Variants in ITPR1 observed in about 807,000 individuals in gnomAD.
ITPR1 encodes inositol 1,4,5-trisphosphate receptor type 1, also known as inositol 1,4,5-trisphosphate-gated calcium channel ITPR1.
In ITPR1, 96 loss-of-function variants were observed where a neutral mutation model predicts 318.4. The observed-to-expected ratio is 0.30, with a 90% CI of 0.26 to 0.36. ITPR1 has a LOEUF of 0.36. Ranked by LOEUF, ITPR1 falls within the 10% of genes least tolerant of loss-of-function variation. The probability of loss-of-function intolerance (pLI) is 1.00; values close to 1 mark genes in which losing one functional copy is unlikely to be tolerated. For missense variants in ITPR1, 2,440 were observed against 3,460.2 expected (o/e 0.71, Z 7.40); for synonymous variants, 1,312 against 1,289.9 (o/e 1.02, Z -0.37).
At chr3:4,703,623 G>A (rs2094699579) in intron 36 of ITPR1, among the ~76,000 whole-genome samples, 1 of 152,168 alleles carries the variant, frequency 6.6e-6, no homozygotes, top group Admixed American at 6.5e-5. Flanking sequence ...GATCCTTGCA[G>A]ACAGTAACAA....
Position 4,622,109 on chromosome 3 carries a change from C to CTTT in ITPR1, c.164-5633_164-5631dup, listed in dbSNP as rs894926425. 2.3e-3 allele frequency among the ~76,000 whole-genome samples: 240 copies of CTTT among 105,810 alleles called. 3 individuals are homozygous for CTTT. Among genetic ancestry groups the CTTT allele is most frequent in the East Asian group, 8.1e-3 (25 of 3,088 alleles). The allele number at this position is 105,810 out of a possible 152,430, so 69.4% of individuals were successfully genotyped here. On this transcript the variant is annotated intron_variant, in intron 4 of 61. Transcript: ENST00000649015. ...CAGTCTTGTACCAGCACATAGTAGACTTTTTTTTTTTTTTTTTTTTTTTGA... is the reference window on the plus strand; with the variant it reads ...CAGTCTTGTACCAGCACATAGTAGACTTTTTTTTTTTTTTTTTTTTTTTTTTGA...
In ITPR1 at chr3:4,846,283, G is replaced by C; in HGVS notation, c.*58G>C. ...TATAATTATTATTAGTGTGGGTATG[G>C]CTAATGAGTTCTGATTCACCCACGA... On this transcript the variant is annotated 3_prime_UTR_variant, in exon 62 of 62. Coordinates refer to ENST00000649015, the MANE Select transcript of ITPR1 (RefSeq NM_001378452.1). 1 of 1,171,300 alleles carries C rather than the reference G, an allele frequency of 8.5e-7. No individual in the cohort carries two copies. Among genetic ancestry groups the C allele is most frequent in the African/African-American group, 1.5e-5 (1 of 65,428 alleles). 72.6% of individuals were successfully genotyped at this position (1,171,300 alleles called of 1,614,324 possible).
At chr3:4,709,253 A>C (rs1044417784) in intron 37 of ITPR1, among the ~76,000 whole-genome samples, 1 of 152,202 alleles carries the variant, frequency 6.6e-6, no homozygotes, top group African/African-American at 2.4e-5. Context: ...ACCGTCTTAC[A>C]GTCTTGTTGG....
chr3:4,683,961 A>G lies in ITPR1; in HGVS notation c.3498+163A>G, dbSNP rs566596957. Among the ~76,000 whole-genome samples, 5 of 152,336 alleles carry G rather than the reference A, an allele frequency of 3.3e-5. No individual in the cohort carries two copies. The South Asian group carries it at 8.3e-4, about 25-fold the overall frequency. On this transcript the variant is annotated intron_variant, in intron 28 of 61. Transcript: ENST00000649015. ...AAGCTGTTTGCCTAGGAAATAAGCT[A>G]CGAATCAAAGTTTAGCTATGTCTCC...
At chr3:4,628,075 G>T (rs1553654518) in intron 5 of ITPR1, among the ~76,000 whole-genome samples, 197 bp downstream of exon 5, 2 of 152,156 alleles carry the variant, frequency 1.3e-5, no homozygotes, top group Non-Finnish European at 2.9e-5. Context: ...TGTCTGGAGA[G>T]TTCTTCTTTT....
rs149252216 is a variant in ITPR1 at position 4,641,835 on chromosome 3, C to A, written c.367-258C>A. 4.3e-4 allele frequency among the ~76,000 whole-genome samples: 66 copies of A among 152,348 alleles called. No individual in the cohort carries two copies. In the South Asian group the frequency reaches 4.8e-3, roughly 11 times the overall value. On this transcript the variant is annotated intron_variant, in intron 6 of 61. Coordinates refer to ENST00000649015, the MANE Select transcript of ITPR1 (RefSeq NM_001378452.1). ...GTTATGATGGCACAGTTGACCTGAG[C>A]AACATCCATCTTGTCCAAGGCTTTG...
intron 45 of ITPR1, 49 bp downstream of exon 45, chr3:4,766,759 G>A: frequency 7.0e-7 from 1 of 1,418,916 alleles, no homozygotes; most frequent in Non-Finnish European, 9.6e-7. Context: ...CACCAGAAGA[G>A]TCCTTGTTAT....
In ITPR1 at chr3:4,814,576, G is replaced by A. The variant is rs747138051; in HGVS notation, c.7701+14G>A. 30 of 1,572,084 alleles carry A rather than the reference G, an allele frequency of 1.9e-5. No individual in the cohort carries two copies. Among genetic ancestry groups the A allele is most frequent in the African/African-American group, 1.9e-4 (14 of 73,850 alleles). ...CCGTCCAAAGAGGTAAATTAATCCCGAGGGGAAGGAAGGGCAAAGGGGGCG... is the reference window on the plus strand; with the variant it reads ...CCGTCCAAAGAGGTAAATTAATCCCAAGGGGAAGGAAGGGCAAAGGGGGCG... On this transcript the variant is annotated intron_variant, in intron 58 of 61. Coordinates refer to ENST00000649015, the MANE Select transcript of ITPR1 (RefSeq NM_001378452.1).
intron 10 of ITPR1, among the ~76,000 whole-genome samples, chr3:4,647,075 C>T (rs2093474930): frequency 6.6e-6 from 1 of 152,080 alleles, no homozygotes; most frequent in Admixed American, 6.6e-5. Context: ...TCTTTCTAGG[C>T]AATGTTTCCT....
intron 33 of ITPR1, 81 bp from the exon 34 acceptor site, chr3:4,697,066 C>A: frequency 7.6e-7 from 1 of 1,315,088 alleles, no homozygotes; most frequent in South Asian, 1.3e-5. Flanking sequence ...TTTCATCGGT[C>A]CTTGCTGTGA....
intron 4 of ITPR1, among the ~76,000 whole-genome samples, chr3:4,608,698 T>C (rs1388942161): frequency 6.6e-6 from 1 of 151,952 alleles, no homozygotes; most frequent in Admixed American, 6.5e-5. Context: ...GAATTACAGA[T>C]GACACCCAAA....
At chr3:4,593,501 T>C (rs2090553591) in intron 4 of ITPR1, among the ~76,000 whole-genome samples, 1 of 152,218 alleles carries the variant, frequency 6.6e-6, no homozygotes, top group African/African-American at 2.4e-5. Flanking sequence ...GTCTAAGGGC[T>C]AAAATTACAA....
At chr3:4,515,226 G>A (rs1366744904) in intron 2 of ITPR1, among the ~76,000 whole-genome samples, 4 of 152,206 alleles carry the variant, frequency 2.6e-5, no homozygotes, top group Non-Finnish European at 5.9e-5. Flanking sequence ...TTCCTGCTAA[G>A]GTGGTAGGTT....
rs149627982 is a variant in ITPR1, at chr3:4,659,118, A to G, written c.1151+840A>G. Among the ~76,000 whole-genome samples, 677 of 152,304 alleles carry G rather than the reference A, an allele frequency of 4.4e-3. 5 individuals carry two copies. The highest frequency in any genetic ancestry group is 0.017 in the Middle Eastern group (5 of 294). ...TTATTTGGGCAATTCTGACTCTCCAATACCATGTTGGTTAATGGAAATGTC... is the reference window on the plus strand; with the variant it reads ...TTATTTGGGCAATTCTGACTCTCCAGTACCATGTTGGTTAATGGAAATGTC... On this transcript the variant is annotated intron_variant, in intron 13 of 61. Coordinates refer to ENST00000649015, the MANE Select transcript of ITPR1 (RefSeq NM_001378452.1).
At chr3:4,736,716 C>T (rs2043300912) in intron 44 of ITPR1, among the ~76,000 whole-genome samples, 1 of 152,160 alleles carries the variant, frequency 6.6e-6, no homozygotes, top group Non-Finnish European at 1.5e-5. Context: ...TCCTTCTCAT[C>T]AATGGAATGT....
At chr3:4,754,639 C>G (rs2044815506) in intron 44 of ITPR1, among the ~76,000 whole-genome samples, 1 of 152,190 alleles carries the variant, frequency 6.6e-6, no homozygotes, top group African/African-American at 2.4e-5. Context: ...TTAAAGCCCT[C>G]TGATTCCTTG....
intron 48 of ITPR1, among the ~76,000 whole-genome samples, chr3:4,778,379 G>A (rs2046612975): frequency 6.6e-6 from 1 of 152,196 alleles, no homozygotes. Flanking sequence ...TATCATGAAA[G>A]AGCCTAGAAC....
intron 52 of ITPR1, among the ~76,000 whole-genome samples, chr3:4,793,349 A>G (rs7645608): frequency 0.89 from 135,848 of 152,240 alleles, 61,102 homozygotes; most frequent in East Asian, 0.98. Flanking sequence ...GAGCTTTGCC[A>G]GATCCTTTTC....
chr3:4,616,401 G>A (rs551429739), intron 4 of ITPR1, among the ~76,000 whole-genome samples: 27 of 152,244 alleles, frequency 1.8e-4, no homozygotes, highest in African/African-American at 6.0e-4. Flanking sequence ...CCCCCTTGGT[G>A]GGGAATTAAT....
Sources: gnomAD v4.1 joint callset for allele counts (sites outside exome capture counted in the v4.1 genomes callset) on GRCh38, gnomAD v4.1.1 for gene constraint, MANE v1.5 for transcripts, NCBI Gene and HGNC (gene_info 2026-07-23, HGNC 2026-07-21) for gene names.